TNIK: variants seen among roughly 807,000 people sequenced by gnomAD.
TNIK encodes TRAF2 and NCK interacting kinase.
TNIK carries 49 observed loss-of-function variants against 191.3 expected under a neutral mutation model. The observed-to-expected ratio is 0.26, with a 90% confidence interval of 0.20 to 0.32. The LOEUF (loss-of-function observed/expected upper bound fraction) is 0.32. TNIK is among the 10% of genes least tolerant of loss of function. The pLI is 1.00. For synonymous variants in TNIK, 594 were observed against 600.9 expected (o/e 0.99, Z 0.17); for missense variants, 1,155 against 1,702.3 (o/e 0.68, Z 5.66).
chr3:171,173,572 A>T (rs967591900), intron 9 of TNIK, among the ~76,000 whole-genome samples: 2 of 152,188 alleles, frequency 1.3e-5, no homozygotes, highest in Non-Finnish European at 2.9e-5. Context: ...TGCAAGAAAA[A>T]GGCCAGAAAT....
At chr3:171,422,430 T>C (rs1359629468) in intron 1 of TNIK, among the ~76,000 whole-genome samples, 1 of 152,174 alleles carries the variant, frequency 6.6e-6, no homozygotes, top group Non-Finnish European at 1.5e-5. Flanking sequence ...AGTCCAACTG[T>C]AAACATAAAG....
chr3:171,079,066 C>CCTTA (rs1186220540), intron 28 of TNIK, among the ~76,000 whole-genome samples: 1 of 152,208 alleles, frequency 6.6e-6, no homozygotes, highest in Admixed American at 6.5e-5. Flanking sequence ...TCCCCTGGGG[C>CCTTA]CTTAGTTCCT....
intron 29 of TNIK, among the ~76,000 whole-genome samples, chr3:171,069,208 G>A (rs967376125): frequency 5.3e-5 from 8 of 152,090 alleles, no homozygotes; most frequent in South Asian, 2.1e-4. Context: ...TTTGTCCTTC[G>A]GGGCAGTGAA....
chr3:171,120,610 C>T (rs749838529), intron 18 of TNIK, among the ~76,000 whole-genome samples: 14 of 152,036 alleles, frequency 9.2e-5, no homozygotes, highest in African/African-American at 2.4e-4. Flanking sequence ...TGAGCCACCG[C>T]GCCCGGCCTC....
intron 7 of TNIK, among the ~76,000 whole-genome samples, chr3:171,178,649 A>G (rs1736262157): frequency 6.6e-6 from 1 of 152,196 alleles, no homozygotes. Context: ...CTGGTTAGAA[A>G]ACACCAAGAA....
intron 19 of TNIK, among the ~76,000 whole-genome samples, chr3:171,110,497 G>A (rs1048528097): frequency 3.9e-5 from 6 of 152,196 alleles, no homozygotes; most frequent in Non-Finnish European, 8.8e-5. Context: ...TGGTATCTGA[G>A]ATTAGAAAGG....
At chr3:171,241,363 C>CT (rs966667586) in intron 2 of TNIK, among the ~76,000 whole-genome samples, 95 of 152,286 alleles carry the variant, frequency 6.2e-4, no homozygotes, top group African/African-American at 2.2e-3. Flanking sequence ...GGCATAACAA[C>CT]TCTGATAGAA....
At chr3:171,130,116 A>G (rs1052489123) in intron 15 of TNIK, among the ~76,000 whole-genome samples, 3 of 152,210 alleles carry the variant, frequency 2.0e-5, no homozygotes, top group African/African-American at 4.8e-5. Flanking sequence ...TTTATGTAGC[A>G]GCTAAAAGTC....
At chr3:171,348,021 C>T (rs1334862481) in intron 2 of TNIK, among the ~76,000 whole-genome samples, 1 of 152,168 alleles carries the variant, frequency 6.6e-6, no homozygotes, top group Non-Finnish European at 1.5e-5. Context: ...TACTTATTCA[C>T]TGTTAAGGTT....
intron 2 of TNIK, among the ~76,000 whole-genome samples, chr3:171,257,855 G>A (rs1004989405): frequency 6.6e-6 from 1 of 152,130 alleles, no homozygotes; most frequent in Non-Finnish European, 1.5e-5. Flanking sequence ...CCACACATGC[G>A]GACAGAGACA....
At chr3:171,348,641 T>C (rs1452575161) in intron 2 of TNIK, among the ~76,000 whole-genome samples, 2 of 152,232 alleles carry the variant, frequency 1.3e-5, no homozygotes, top group Admixed American at 1.3e-4. Flanking sequence ...TAAAGCCTAA[T>C]TTTTAACTTT....
intron 1 of TNIK, among the ~76,000 whole-genome samples, chr3:171,451,936 C>T (rs1399545932): frequency 6.6e-6 from 1 of 152,198 alleles, no homozygotes. Flanking sequence ...CCCAAACTTG[C>T]ACCTTCTAAT....
At chr3:171,445,671 G>T (rs9867340) in intron 1 of TNIK, among the ~76,000 whole-genome samples, 20,164 of 152,106 alleles carry the variant, frequency 0.13, 2,092 homozygotes, top group African/African-American at 0.29. Context: ...GTATACGTGC[G>T]AGGGGACAAT....
chr3:171,272,484 C>T lies in TNIK; in HGVS notation c.124-44263G>A, dbSNP rs138304666. Among the ~76,000 whole-genome samples, 432 of 152,264 alleles carry T rather than the reference C, an allele frequency of 2.8e-3. 3 individuals carry two copies. Among genetic ancestry groups the T allele is most frequent in the African/African-American group, 9.9e-3 (410 of 41,550 alleles). On this transcript the variant is annotated intron_variant, in intron 2 of 32. Coordinates refer to ENST00000436636, the MANE Select transcript of TNIK (RefSeq NM_015028.4). ...CATGAAGGAAAATCCCTGAAGTGTC[C>T]GTTTGGTCTTTTGATGCTGTCCCAT... is the stretch of plus-strand genomic sequence containing the variant.
chr3:171,168,100 G>A (rs563180174), intron 9 of TNIK, among the ~76,000 whole-genome samples: 13 of 152,296 alleles, frequency 8.5e-5, no homozygotes, highest in African/African-American at 2.9e-4. Context: ...CCATACCTAC[G>A]ATTATGGCAG....
At chr3:171,384,232 T>C (rs1218589059) in intron 1 of TNIK, among the ~76,000 whole-genome samples, 1 of 152,222 alleles carries the variant, frequency 6.6e-6, no homozygotes, top group African/African-American at 2.4e-5. Flanking sequence ...TTTGAATGTA[T>C]CTGTCTTACT....
intron 2 of TNIK, among the ~76,000 whole-genome samples, chr3:171,328,645 G>T (rs754481065): frequency 6.6e-6 from 1 of 152,196 alleles, no homozygotes; most frequent in Non-Finnish European, 1.5e-5. Context: ...GCATAAAGCC[G>T]AATGCCTGAA....
At chr3:171,118,329 G>A (rs149045081) in intron 18 of TNIK, among the ~76,000 whole-genome samples, 8,350 of 152,226 alleles carry the variant, frequency 0.055, 729 homozygotes, top group African/African-American at 0.18. Flanking sequence ...CTCATGGATA[G>A]GAAGAATCAA....
intron 2 of TNIK, among the ~76,000 whole-genome samples, chr3:171,299,618 TG>T (rs908501199): frequency 3.2e-4 from 49 of 152,232 alleles, no homozygotes; most frequent in African/African-American, 1.2e-3. Context: ...AAGAACAAAA[TG>T]GGGCCAACCA....
Sources: allele counts gnomAD v4.1 joint callset (sites outside exome capture counted in the v4.1 genomes callset), GRCh38; gene constraint gnomAD v4.1.1; transcripts MANE v1.5; gene names NCBI Gene and HGNC (gene_info 2026-07-23, HGNC 2026-07-21).